ROR1: variants seen among roughly 807,000 people sequenced by gnomAD.
The protein encoded by ROR1 is ROR family WNT receptor 1.
Under a neutral mutation model 78.8 loss-of-function variants are expected in ROR1, and 19 were observed. The ratio of observed to expected loss-of-function variants is 0.24; its 90% CI spans 0.17 to 0.35. The LOEUF (loss-of-function observed/expected upper bound fraction) is 0.35, where lower values mean the gene tolerates loss of function less well. Ranked by LOEUF, ROR1 falls within the 10% of genes least tolerant of loss-of-function variation. ROR1 has a pLI of 1.00. For missense variants in ROR1, 917 were observed against 1,177.8 expected (o/e 0.78, Z 3.24); for synonymous variants, 386 against 433.6 (o/e 0.89, Z 1.36).
chr1:64,042,121 G>T (rs944583207), intron 2 of ROR1, among the ~76,000 whole-genome samples: 3 of 152,132 alleles, frequency 2.0e-5, no homozygotes, highest in Non-Finnish European at 1.5e-5. Flanking sequence ...AGAATCAGGG[G>T]TCAGGAAATG....
chr1:63,803,978 T>A (rs1363101971), intron 1 of ROR1, among the ~76,000 whole-genome samples: 2 of 152,032 alleles, frequency 1.3e-5, no homozygotes, highest in East Asian at 3.9e-4. Flanking sequence ...TTTTACTGGG[T>A]AAAAAATTAT....
At chr1:63,788,921 CT>C in intron 1 of ROR1, 1 of 857,302 alleles carries the variant, frequency 1.2e-6, no homozygotes, top group Non-Finnish European at 1.9e-6. Flanking sequence ...ACACGTTCCC[CT>C]TAACCTTCAG....
At position 63,912,157 on chromosome 1, in the gene ROR1, G is replaced by A. The variant is rs183779054; in HGVS notation, c.92-97148G>A. ...AAAAAAAAAAATACTAGCTAGCTGA[G>A]CATGGTGGCATGTGTCTATAGTTCC... On this transcript the variant is annotated intron_variant, in intron 1 of 8. Transcript: ENST00000371079. Among the ~76,000 whole-genome samples the A allele has an allele frequency of 9.2e-5, 14 of 151,528 alleles. No individual in the cohort carries two copies. The East Asian group carries it at 1.9e-3, about 21-fold the overall frequency.
chr1:63,993,102 A>G (rs551879388), intron 1 of ROR1, among the ~76,000 whole-genome samples: 1 of 152,352 alleles, frequency 6.6e-6, no homozygotes, highest in South Asian at 2.1e-4. Context: ...CCAAATTAGT[A>G]TGGCTCCCTG....
intron 1 of ROR1, among the ~76,000 whole-genome samples, chr1:64,003,005 G>C (rs1646397812): frequency 6.6e-6 from 1 of 152,126 alleles, no homozygotes; most frequent in African/African-American, 2.4e-5. Flanking sequence ...TGGATTTGAT[G>C]ATGATCCCCC....
chr1:63,987,805 A>T (rs905397709), intron 1 of ROR1, among the ~76,000 whole-genome samples: 2 of 152,158 alleles, frequency 1.3e-5, no homozygotes, highest in African/African-American at 2.4e-5. Context: ...ACTGTGACCT[A>T]GTGTTTCCCA....
At position 63,805,831 on chromosome 1, in the gene ROR1, CAT is replaced by C. The variant is rs376288791; in HGVS notation, c.91+31325_91+31326del. ...AGGAGTTCATGACCAGCCTGGGCAA[CAT>C]AGCAAGATCCTGTCTCTATAAAATA... On this transcript the variant is annotated intron_variant, in intron 1 of 8. Coordinates refer to ENST00000371079, the MANE Select transcript of ROR1 (RefSeq NM_005012.4). 4.9e-4 allele frequency among the ~76,000 whole-genome samples: 74 copies of C among 152,206 alleles called. No individual in the cohort carries two copies. The South Asian group carries it at 0.014, about 28-fold the overall frequency.
chr1:63,985,185 G>T (rs997320720), intron 1 of ROR1, among the ~76,000 whole-genome samples: 8 of 152,048 alleles, frequency 5.3e-5, no homozygotes, highest in Non-Finnish European at 8.8e-5. Flanking sequence ...TCAATTTGTT[G>T]TGTCTAGTCA....
At chr1:64,141,975 T>C (rs1649330342) in intron 6 of ROR1, among the ~76,000 whole-genome samples, 1 of 152,140 alleles carries the variant, frequency 6.6e-6, no homozygotes, top group Non-Finnish European at 1.5e-5. Context: ...CTGATAAGCA[T>C]GTTCTGTGAA....
intron 1 of ROR1, among the ~76,000 whole-genome samples, chr1:63,854,369 AG>A (rs1412587067): frequency 6.6e-6 from 1 of 152,222 alleles, no homozygotes; most frequent in African/African-American, 2.4e-5. Flanking sequence ...ATTGAAATCA[AG>A]GGAAAAACTG....
chr1:64,066,889 A>G (rs1300608993), intron 4 of ROR1: 1 of 152,190 alleles, frequency 6.6e-6, no homozygotes, highest in Non-Finnish European at 1.5e-5. Flanking sequence ...ACAAGTAACA[A>G]TTATATATAA....
chr1:64,161,084 A>G (rs1287815417), intron 8 of ROR1, among the ~76,000 whole-genome samples: 5 of 152,240 alleles, frequency 3.3e-5, no homozygotes, highest in Non-Finnish European at 2.9e-5. Context: ...AATAGAAAAA[A>G]GGCTAATATA....
At chr1:63,873,160 T>C (rs1645262778) in intron 1 of ROR1, among the ~76,000 whole-genome samples, 1 of 152,150 alleles carries the variant, frequency 6.6e-6, no homozygotes, top group African/African-American at 2.4e-5. Flanking sequence ...TGCTATGATT[T>C]CTCTTTGTTC....
At chr1:63,880,939 G>A (rs1290249373) in intron 1 of ROR1, among the ~76,000 whole-genome samples, 7 of 152,154 alleles carry the variant, frequency 4.6e-5, no homozygotes, top group Non-Finnish European at 1.5e-5. Context: ...TGAAAATGAC[G>A]GAGACTGTTC....
At chr1:64,110,082 C>G (rs1224741036) in intron 4 of ROR1, among the ~76,000 whole-genome samples, 1 of 152,126 alleles carries the variant, frequency 6.6e-6, no homozygotes, top group African/African-American at 2.4e-5. Flanking sequence ...CTATCTGTTC[C>G]ATGAGGCCAG....
intron 1 of ROR1, among the ~76,000 whole-genome samples, chr1:63,922,872 C>A (rs948933111): frequency 6.6e-6 from 1 of 152,162 alleles, no homozygotes; most frequent in Non-Finnish European, 1.5e-5. Flanking sequence ...AGCTCCAACT[C>A]TGAGGGTTGT....
chr1:64,052,216 A>G (rs925669899), intron 4 of ROR1, among the ~76,000 whole-genome samples: 8 of 142,796 alleles, frequency 5.6e-5, no homozygotes, highest in Admixed American at 2.9e-4. Flanking sequence ...TGGTCTCACC[A>G]TTGGTTATAT....
chr1:63,789,045 G>A (rs1644709247), intron 1 of ROR1: 2 of 628,516 alleles, frequency 3.2e-6, no homozygotes, highest in East Asian at 3.7e-5. Context: ...TGGCATCCGG[G>A]CATTGGTTGT....
intron 4 of ROR1, among the ~76,000 whole-genome samples, chr1:64,092,065 C>T (rs1361246581): frequency 6.6e-6 from 1 of 151,766 alleles, no homozygotes; most frequent in Non-Finnish European, 1.5e-5. Flanking sequence ...CGGTAGTTGC[C>T]CATGCTTTTG....
Sources: gnomAD v4.1 joint callset for allele counts (sites outside exome capture counted in the v4.1 genomes callset) on GRCh38, gnomAD v4.1.1 for gene constraint, MANE v1.5 for transcripts, NCBI Gene and HGNC (gene_info 2026-07-23, HGNC 2026-07-21) for gene names.